The following ADH1C variants were observed in gnomAD, a reference collection of about 807,000 sequenced individuals.
ADH1C encodes alcohol dehydrogenase 1C.
A neutral mutation model predicts 35.0 loss-of-function variants in ADH1C; 26 were observed. That is an observed-to-expected ratio of 0.74 (90% confidence interval 0.54 to 1.03). The LOEUF (loss-of-function observed/expected upper bound fraction) is 1.03, where lower values mean the gene tolerates loss of function less well. Ranked by LOEUF, ADH1C falls within the 50% of genes least tolerant of loss-of-function variation. The pLI is 0.00. For missense variants in ADH1C, 413 were observed against 465.4 expected (o/e 0.89, Z 1.04); for synonymous variants, 170 against 169.3 (o/e 1.00, Z -0.03).
At chr4:99,348,756 G>A (rs1181999550) in intron 1 of ADH1C, among the ~76,000 whole-genome samples, 16 of 151,836 alleles carry the variant, frequency 1.1e-4, no homozygotes, top group South Asian at 6.2e-4. Context: ...GTGTAAAAGC[G>A]TTCCTATTTC....
At chr4:99,346,978 G>A in intron 3 of ADH1C, 28 bp downstream of exon 3, 1 of 1,608,702 alleles carries the variant, frequency 6.2e-7, no homozygotes, top group Middle Eastern at 1.7e-4. Flanking sequence ...GTGAACCAAG[G>A]CATGTTCCCT....
chr4:99,340,518 AAAAGG>A, intron 7 of ADH1C, 52 bp downstream of exon 7: 1 of 1,597,134 alleles, frequency 6.3e-7, no homozygotes, highest in Admixed American at 1.7e-5. Flanking sequence ...TGTCACTCAT[AAAAGG>A]AGAGAAATTC....
chr4:99,352,611 T>C (rs1734703691), intron 1 of ADH1C, 47 bp downstream of exon 1: 2 of 1,496,802 alleles, frequency 1.3e-6, no homozygotes, highest in Non-Finnish European at 1.9e-6. Flanking sequence ...CTTTATTTGT[T>C]ATATTGAAGA....
rs1734371340 is a variant in ADH1C, at chr4:99,339,770, A to G, written c.965-55T>C. On this transcript the variant is annotated intron_variant, in intron 7 of 8. Transcript: ENST00000515683. ...TCAACCAGGGTAAGTAGGAGAATTGAAGAGAAGATTTTCCAAATAAATGAA... is the reference window on the plus strand; with the variant it reads ...TCAACCAGGGTAAGTAGGAGAATTGGAGAGAAGATTTTCCAAATAAATGAA... The G allele has an allele frequency of 5.9e-6, 9 of 1,523,184 alleles. No individual in the cohort carries two copies. The Admixed American group carries it at 1.3e-4, about 22-fold the overall frequency. The allele number at this position is 1,523,184 out of a possible 1,614,324, so 94.4% of individuals were successfully genotyped here. A position where few individuals can be genotyped will look rare whatever the true frequency, so the allele number is the denominator to read the frequency against.
Position 99,345,092 on chromosome 4 carries a change from CAAT to C in ADH1C, c.348-14_348-12del. 6.2e-7 allele frequency: 1 copy of C among 1,614,114 alleles called. No individual in the cohort carries two copies. The highest frequency in any genetic ancestry group is 8.5e-7 in the Non-Finnish European group (1 of 1,180,002). ...CGAGGATTGCCTAGACTGGGCAGTG[CAAT>C]ACAAAGACACACAAAGGCATGAGAC... On this transcript the variant is annotated splice_polypyrimidine_tract_variant and intron_variant, in intron 4 of 8. Coordinates refer to ENST00000515683, the MANE Select transcript of ADH1C (RefSeq NM_000669.5).
chr4:99,340,072 C>G (rs992140648), intron 7 of ADH1C, among the ~76,000 whole-genome samples: 1 of 152,086 alleles, frequency 6.6e-6, no homozygotes, highest in Non-Finnish European at 1.5e-5. Flanking sequence ...GTCACAAGTA[C>G]AAAAAGAGGT....
Position 99,339,698 on chromosome 4 carries a change from A to T in ADH1C, c.982T>A (p.Ser328Thr). The change falls in exon 8 of 9, where the codon TCT becomes ACT. Residue 328 changes from serine (S) to threonine (T), a missense_variant. Coordinates refer to ENST00000515683, the MANE Select transcript of ADH1C (RefSeq NM_000669.5). ...AIFGGFKSKESVPKLVADFMA... is the reference protein window; with the variant it reads ...AIFGGFKSKETVPKLVADFMA... ...AAGTCAGCCACAAGTTTGGGGACAGATTCTTTACTCTTAAAGCCTGAAAAG... is the reference window on the plus strand; with the variant it reads ...AAGTCAGCCACAAGTTTGGGGACAGTTTCTTTACTCTTAAAGCCTGAAAAG... 6.2e-7 allele frequency: 1 copy of T among 1,611,728 alleles called. No homozygotes were observed. The highest frequency in any genetic ancestry group is 1.1e-5 in the South Asian group (1 of 90,362).
At chr4:99,349,558 G>A (rs537089312) in intron 1 of ADH1C, among the ~76,000 whole-genome samples, 59 of 152,204 alleles carry the variant, frequency 3.9e-4, no homozygotes, top group African/African-American at 1.4e-3. Context: ...TAGGCCAAAA[G>A]GATCTGACTC....
At chr4:99,351,704 C>T (rs1201699050) in intron 1 of ADH1C, among the ~76,000 whole-genome samples, 1 of 152,158 alleles carries the variant, frequency 6.6e-6, no homozygotes, top group African/African-American at 2.4e-5. Context: ...TGTCGCACAG[C>T]ATAAAGGTAA....
At chr4:99,347,933 T>C (rs112716764) in intron 1 of ADH1C, 87 bp from the exon 2 acceptor site, 1 of 1,452,956 alleles carries the variant, frequency 6.9e-7, no homozygotes, top group Non-Finnish European at 9.6e-7. Flanking sequence ...ACATGCAACA[T>C]TGAGTCCCAT....
chr4:99,344,300 T>C (rs1318418051), intron 5 of ADH1C, among the ~76,000 whole-genome samples: 1 of 152,200 alleles, frequency 6.6e-6, no homozygotes, highest in Non-Finnish European at 1.5e-5. Context: ...GGAGTTAGTT[T>C]TAGCAGTGAA....
chr4:99,339,140 A>G (rs1244734370), intron 8 of ADH1C, among the ~76,000 whole-genome samples: 1 of 152,194 alleles, frequency 6.6e-6, no homozygotes, highest in Non-Finnish European at 1.5e-5. Flanking sequence ...ACCTACTCCC[A>G]TAATGAATAT....
chr4:99,342,024 A>T (rs1223588452), intron 6 of ADH1C, among the ~76,000 whole-genome samples: 1 of 149,132 alleles, frequency 6.7e-6, no homozygotes, highest in Non-Finnish European at 1.5e-5. Context: ...AAAAAAAAAA[A>T]AATAAATAAA....
chr4:99,344,280 T>C (rs898302256), intron 5 of ADH1C, among the ~76,000 whole-genome samples: 1 of 152,224 alleles, frequency 6.6e-6, no homozygotes. Context: ...ATATGTGTGT[T>C]CATGCCAGGG....
chr4:99,350,692 C>T (rs1662049), intron 1 of ADH1C, among the ~76,000 whole-genome samples: 47,717 of 152,092 alleles, frequency 0.31, 8,911 homozygotes, highest in Non-Finnish European at 0.41. Context: ...AATTGTGCTG[C>T]TGTAAACAAT....
In ADH1C at chr4:99,339,837, G is replaced by A. The variant is rs1473812490; in HGVS notation, c.965-122C>T. 15 of 897,740 alleles carry A rather than the reference G, an allele frequency of 1.7e-5. No homozygotes were observed. The East Asian group carries it at 3.9e-4, about 23-fold the overall frequency. 55.6% of individuals were successfully genotyped at this position (897,740 alleles called of 1,614,324 possible). A position where few individuals can be genotyped will look rare whatever the true frequency, so the allele number is the denominator to read the frequency against. On this transcript the variant is annotated intron_variant, in intron 7 of 8. Coordinates refer to ENST00000515683, the MANE Select transcript of ADH1C (RefSeq NM_000669.5). ...TGCATTCCAGACTGCTATAACTGAGGATAATAAGAGATAGAGTACTTCAAT... is the reference window on the plus strand; with the variant it reads ...TGCATTCCAGACTGCTATAACTGAGAATAATAAGAGATAGAGTACTTCAAT...
chr4:99,337,686 T>C (rs1365509008), intron 8 of ADH1C, among the ~76,000 whole-genome samples: 2 of 152,108 alleles, frequency 1.3e-5, no homozygotes, highest in African/African-American at 2.4e-5. Flanking sequence ...AAAAAAAATC[T>C]GTAATCTTAC....
Position 99,339,585 on chromosome 4 carries a change from A to G in ADH1C, c.1095T>C (p.Ser365=). 6.4e-7 allele frequency: 1 copy of G among 1,572,074 alleles called. No homozygotes were observed. The highest frequency in any genetic ancestry group is 8.6e-7 in the Non-Finnish European group (1 of 1,159,366). The change falls in exon 8 of 9, where the codon TCT becomes TCC. Residue 365 remains serine, a synonymous_variant. Coordinates refer to ENST00000515683, the MANE Select transcript of ADH1C (RefSeq NM_000669.5). The part of the protein sequence containing the change: ...KINEGFDLLR[S]GKSIRTVLTF ...AACAACTTAAAATCTACCTCTTTCC[A>G]GAGCGAAGCAGGTCAAATCCTTCAT...
chr4:99,347,086 G>T lies in ADH1C; in HGVS notation c.179C>A (p.Thr60Asn), dbSNP rs1359192686. ...ATGGCCTAAAATCACAGGAAGGGGG[G>T]TCACCAGGTTGCCACTAACCACATG... ...DEHVVSGNLV[T>N]PLPVILGHEA... Residue 60 changes from threonine (T) to asparagine (N), a missense_variant, in exon 3 of 9, where the codon ACC becomes AAC. Thr to Asn is a moderately conservative substitution (Grantham distance 65, BLOSUM62 0). Coordinates refer to ENST00000515683, the MANE Select transcript of ADH1C (RefSeq NM_000669.5). 2.5e-6 allele frequency: 4 copies of T among 1,614,074 alleles called. No individual in the cohort carries two copies. Among genetic ancestry groups the T allele is most frequent in the Non-Finnish European group, 2.5e-6 (3 of 1,179,998 alleles).
Sources: gnomAD v4.1 joint callset for allele counts (sites outside exome capture counted in the v4.1 genomes callset) on GRCh38, gnomAD v4.1.1 for gene constraint, MANE v1.5 for transcripts, NCBI Gene and HGNC (gene_info 2026-07-23, HGNC 2026-07-21) for gene names.